Variants in EPB41L1 observed in about 807,000 individuals in gnomAD.
EPB41L1 encodes the protein band 4.1-like protein 1.
EPB41L1 carries 29 observed loss-of-function variants against 97.8 expected under a neutral mutation model. The observed-to-expected ratio is 0.30, with a 90% confidence interval of 0.22 to 0.40. The LOEUF is 0.40. EPB41L1 is among the 10% of genes least tolerant of loss of function. The pLI, the probability that EPB41L1 is intolerant of heterozygous loss-of-function variation, is 1.00. For synonymous variants in EPB41L1, 383 were observed against 459.2 expected (o/e 0.83, Z 2.12); for missense variants, 812 against 1,162.3 (o/e 0.70, Z 4.38).
chr20:36,178,387 C>T (rs1006170277), intron 4 of EPB41L1, among the ~76,000 whole-genome samples: 8 of 152,200 alleles, frequency 5.3e-5, no homozygotes, highest in Non-Finnish European at 1.0e-4. Flanking sequence ...GATGCATCAC[C>T]TGCTCACTGG....
rs1292267259 is a variant in EPB41L1 at position 36,093,662 on chromosome 20, T to C, written c.-65+2050T>C. 6.7e-6 allele frequency among the ~76,000 whole-genome samples: 1 copy of C among 149,360 alleles called. No homozygotes were observed. Among genetic ancestry groups the C allele is most frequent in the Non-Finnish European group, 1.5e-5 (1 of 67,312 alleles). ...AGCTGGAGAGGAGGGCGTGTCCTGC[T>C]TGAAGCCCGTGTGCGTGCGTGCGTG... On this transcript the variant is annotated intron_variant, in intron 1 of 19. Coordinates refer to the EPB41L1 transcript ENST00000202028. The surrounding 1 kb of genome is among the most constrained non-coding windows in gnomAD (Gnocchi z 5.4).
At chr20:36,214,208 C>T (rs1902071403) in intron 16 of EPB41L1, 149 bp from the exon 17 acceptor site, 1 of 632,548 alleles carries the variant, frequency 1.6e-6, no homozygotes, top group Admixed American at 2.5e-5. Flanking sequence ...CCTGTTGCAC[C>T]TCTGTGATTT....
intron 1 of EPB41L1, among the ~76,000 whole-genome samples, chr20:36,100,918 T>C (rs1037941084): frequency 3.3e-5 from 5 of 152,056 alleles, no homozygotes; most frequent in Non-Finnish European, 7.4e-5. Flanking sequence ...TCTGAGCCCA[T>C]CTGGTTCTAG....
intron 14 of EPB41L1, chr20:36,208,194 G>A (rs2062932620): frequency 3.2e-6 from 1 of 314,764 alleles, no homozygotes; most frequent in Non-Finnish European, 6.3e-6. Context: ...CCCGCCTTGG[G>A]AAAGTTGACA....
chr20:36,141,546 G>A (rs2059639155), intron 2 of EPB41L1, among the ~76,000 whole-genome samples: 1 of 152,170 alleles, frequency 6.6e-6, no homozygotes, highest in African/African-American at 2.4e-5. Flanking sequence ...AGCCCAAGGG[G>A]GGCTGTGGTT....
intron 4 of EPB41L1, 58 bp from the exon 5 acceptor site, chr20:36,178,572 A>G: frequency 6.5e-7 from 1 of 1,545,658 alleles, no homozygotes; most frequent in South Asian, 1.1e-5. Context: ...TCTCTCTCTC[A>G]GCCCAGTCAG....
intron 21 of EPB41L1, among the ~76,000 whole-genome samples, chr20:36,224,770 A>C (rs892480150): frequency 1.3e-5 from 2 of 152,222 alleles, no homozygotes; most frequent in Non-Finnish European, 2.9e-5. Flanking sequence ...TTAGAAAAAT[A>C]GAAATATATA....
At chr20:36,213,108 T>G (rs184561676) in intron 16 of EPB41L1, among the ~76,000 whole-genome samples, 1 of 152,230 alleles carries the variant, frequency 6.6e-6, no homozygotes, top group East Asian at 1.9e-4. Context: ...CCTGAAGAAC[T>G]GAAATAAGAC....
intron 3 of EPB41L1, among the ~76,000 whole-genome samples, chr20:36,176,363 C>T (rs925639367): frequency 6.6e-6 from 1 of 152,246 alleles, no homozygotes; most frequent in Non-Finnish European, 1.5e-5. Flanking sequence ...TGACTCCCGC[C>T]CTAATTCTGA....
At chr20:36,105,475 C>T (rs578059233) in intron 1 of EPB41L1, among the ~76,000 whole-genome samples, 121 of 152,240 alleles carry the variant, frequency 7.9e-4, no homozygotes, top group African/African-American at 2.5e-3. Context: ...GCCCATTGAG[C>T]GGGCCTGTTT....
At chr20:36,126,505 TACA>T (rs2058975034) in intron 2 of EPB41L1, among the ~76,000 whole-genome samples, 1 of 152,150 alleles carries the variant, frequency 6.6e-6, no homozygotes, top group Admixed American at 6.5e-5. Flanking sequence ...TAGCTGGGAT[TACA>T]GGCATGTGCC....
At chr20:36,216,659 G>T (rs530583962) in intron 17 of EPB41L1, among the ~76,000 whole-genome samples, 17 of 152,160 alleles carry the variant, frequency 1.1e-4, no homozygotes, top group Non-Finnish European at 2.4e-4. Flanking sequence ...CACCCATGAT[G>T]TGTATAGTTC....
intron 8 of EPB41L1, 144 bp from the exon 9 acceptor site, chr20:36,188,203 A>G: frequency 9.4e-7 from 1 of 1,060,122 alleles, no homozygotes; most frequent in Non-Finnish European, 1.5e-6. Context: ...GGGATTGGTC[A>G]GTGGGACTCC....
rs967143464 is a variant in EPB41L1 at position 36,207,387 on chromosome 20, CT to C, written c.1669-2100del. On this transcript the variant is annotated intron_variant, in intron 14 of 21. Coordinates refer to ENST00000338074, the MANE Select transcript of EPB41L1 (RefSeq NM_012156.2). This position sits in a 1 kb window ranked among gnomAD's most constrained non-coding sequence, Gnocchi z 4.9. ...CTTCAGGGAAGCGAAGGGAGATGAC[CT>C]CTTTCCAGGCTGGGGACCAAGAGGG... 27 of 1,289,470 alleles carry C rather than the reference CT, an allele frequency of 2.1e-5. No individual in the cohort carries two copies. The African/African-American group carries it at 3.8e-4, about 18-fold the overall frequency. The allele number at this position is 1,289,470 out of a possible 1,614,324, so 79.9% of individuals were successfully genotyped here.
At chr20:36,143,993 C>T (rs1398420181) in intron 2 of EPB41L1, among the ~76,000 whole-genome samples, 1 of 152,098 alleles carries the variant, frequency 6.6e-6, no homozygotes, top group Non-Finnish European at 1.5e-5. Flanking sequence ...GCTGGGACTA[C>T]AGGCGCACGC....
intron 2 of EPB41L1, among the ~76,000 whole-genome samples, chr20:36,143,636 T>G (rs1315251177): frequency 6.6e-6 from 1 of 152,120 alleles, no homozygotes; most frequent in Non-Finnish European, 1.5e-5. Context: ...TATCTATCAC[T>G]CAGGGGGTGA....
At chr20:36,152,971 G>GGGCCT (rs1161177320), upstream of EPB41L1, 1 of 456,310 alleles carries the variant, frequency 2.2e-6, no homozygotes, top group East Asian at 7.0e-5. Context: ...TCTGGAGGGT[G>GGGCCT]GGCCTGTTCT....
At chr20:36,178,146 A>T in intron 4 of EPB41L1, 90 bp downstream of exon 4, 3 of 927,210 alleles carry the variant, frequency 3.2e-6, no homozygotes, top group Non-Finnish European at 5.3e-6. Context: ...TAGTGCTCAA[A>T]TCATTAAGCA....
At position 36,209,381 on chromosome 20, in the gene EPB41L1, A is replaced by T; in HGVS notation, c.1669-107A>T. 1.6e-6 allele frequency: 2 copies of T among 1,264,888 alleles called. No individual in the cohort carries two copies. Among genetic ancestry groups the T allele is most frequent in the South Asian group, 1.5e-5 (1 of 66,434 alleles). The allele number at this position is 1,264,888 out of a possible 1,614,324, so 78.4% of individuals were successfully genotyped here. A position where few individuals can be genotyped will look rare whatever the true frequency, so the allele number is the denominator to read the frequency against. On this transcript the variant is annotated intron_variant, in intron 14 of 21. Transcript: ENST00000338074. The surrounding 1 kb of genome is among the most constrained non-coding windows in gnomAD (Gnocchi z 4.2). ...TTCCTGGCCTGCTCTTCCATTCAGGATGTCGACACAGCCCCGAGATTTCTC... is the reference window on the plus strand; with the variant it reads ...TTCCTGGCCTGCTCTTCCATTCAGGTTGTCGACACAGCCCCGAGATTTCTC...
Sources: allele counts gnomAD v4.1 joint callset (sites outside exome capture counted in the v4.1 genomes callset), GRCh38; gene constraint gnomAD v4.1.1; non-coding constraint Gnocchi (gnomAD v3.1); transcripts MANE v1.5; gene names NCBI Gene and HGNC (gene_info 2026-07-23, HGNC 2026-07-21).